ST6GALNAC5: variants seen among roughly 807,000 people sequenced by gnomAD.
ST6GALNAC5 encodes ST6 N-acetylgalactosaminide alpha-2,6-sialyltransferase 5, also known as alpha-N-acetylgalactosaminide alpha-2,6-sialyltransferase 5.
ST6GALNAC5 carries 27 observed loss-of-function variants against 33.6 expected under a neutral mutation model. The observed-to-expected ratio is 0.80, with a 90% CI of 0.59 to 1.11. The LOEUF (loss-of-function observed/expected upper bound fraction) is 1.11. Among genes scored for constraint, ST6GALNAC5 ranks in the 50% least tolerant of loss-of-function variants. The probability of loss-of-function intolerance (pLI) is 0.00; values close to 1 mark genes in which losing one functional copy is unlikely to be tolerated. For missense variants in ST6GALNAC5, 428 were observed against 454.0 expected (o/e 0.94, Z 0.52); for synonymous variants, 194 against 171.2 (o/e 1.13, Z -1.04).
chr1:76,868,473 C>T lies in ST6GALNAC5; in HGVS notation c.16-24C>T. 6.3e-7 allele frequency: 1 copy of T among 1,592,470 alleles called. No individual in the cohort carries two copies. Among genetic ancestry groups the T allele is most frequent in the Non-Finnish European group, 8.6e-7 (1 of 1,166,708 alleles). ...GGTGTCTGCGCTCAGCCGCTCTCCT[C>T]TTCTCTCTCCCGCCCGCCCGCAGCG... On this transcript the variant is annotated intron_variant, in intron 1 of 4. Transcript: ENST00000477717. This position sits in a 1 kb window ranked among gnomAD's most constrained non-coding sequence, Gnocchi z 4.3.
At chr1:76,946,421 G>A (rs533408694) in intron 2 of ST6GALNAC5, among the ~76,000 whole-genome samples, 56 of 152,244 alleles carry the variant, frequency 3.7e-4, no homozygotes, top group African/African-American at 9.6e-4. Context: ...AACTGGGGAG[G>A]TCTGATTCCC....
Position 76,868,603 on chromosome 1 carries a change from A to G in ST6GALNAC5, c.122A>G (p.Gln41Arg), listed in dbSNP as rs952663670. Residue 41 changes from glutamine to arginine, a missense_variant, in exon 2 of 5, where the codon CAG becomes CGG. Transcript: ENST00000477717. This position sits in a 1 kb window ranked among gnomAD's most constrained non-coding sequence, Gnocchi z 4.3. ...GQKERPPQQQ[Q>R]QQQQQQQQAS... ...AAGGAGCGGCCCCCGCAGCAGCAGCAGCAGCAGCAGCAACAGCAGCAGCAG... is the reference window on the plus strand; with the variant it reads ...AAGGAGCGGCCCCCGCAGCAGCAGCGGCAGCAGCAGCAACAGCAGCAGCAG... 13 of 1,610,594 alleles carry G rather than the reference A, an allele frequency of 8.1e-6. No individual in the cohort carries two copies. The highest frequency in any genetic ancestry group is 2.7e-5 in the African/African-American group (2 of 73,946).
chr1:76,880,526 C>G (rs1195240244), intron 2 of ST6GALNAC5, among the ~76,000 whole-genome samples: 1 of 152,152 alleles, frequency 6.6e-6, no homozygotes, highest in Non-Finnish European at 1.5e-5. Context: ...AGGCTGTCCA[C>G]AAGCTTGAGG....
intron 2 of ST6GALNAC5, among the ~76,000 whole-genome samples, chr1:76,977,685 T>C (rs1649068024): frequency 6.6e-6 from 1 of 152,226 alleles, no homozygotes; most frequent in South Asian, 2.1e-4. Context: ...TTGTAAACTA[T>C]TCCATTCTAT....
chr1:76,891,815 C>G (rs1400084862), intron 2 of ST6GALNAC5, among the ~76,000 whole-genome samples: 1 of 152,122 alleles, frequency 6.6e-6, no homozygotes, highest in Non-Finnish European at 1.5e-5. Context: ...GTTGTCCAAG[C>G]ATAATTTGTT....
intron 2 of ST6GALNAC5, among the ~76,000 whole-genome samples, chr1:76,959,136 TCTTA>T (rs543850045): frequency 3.7e-4 from 56 of 152,292 alleles, no homozygotes; most frequent in Non-Finnish European, 5.9e-4. Context: ...ATTCTCAGTC[TCTTA>T]CTTATGTTGT....
intron 2 of ST6GALNAC5, among the ~76,000 whole-genome samples, chr1:76,930,110 C>T (rs2100308440): frequency 6.6e-6 from 1 of 152,222 alleles, no homozygotes; most frequent in African/African-American, 2.4e-5. Flanking sequence ...AGACTGGAGG[C>T]ACATTGCTTC....
At chr1:77,028,427 A>G (rs912253838) in intron 2 of ST6GALNAC5, among the ~76,000 whole-genome samples, 8 of 152,004 alleles carry the variant, frequency 5.3e-5, no homozygotes, top group African/African-American at 1.9e-4. Flanking sequence ...ATCAAGCTGG[A>G]AGGAAACATC....
At chr1:76,952,832 C>T (rs1188904695) in intron 2 of ST6GALNAC5, among the ~76,000 whole-genome samples, 1 of 152,088 alleles carries the variant, frequency 6.6e-6, no homozygotes, top group African/African-American at 2.4e-5. Flanking sequence ...GAACACCCTC[C>T]CTGTGCTTCC....
Position 76,995,239 on chromosome 1 carries a change from A to C in ST6GALNAC5, c.262-48965A>C, listed in dbSNP as rs1227637980. Among the ~76,000 whole-genome samples, 3 of 152,160 alleles carry C rather than the reference A, an allele frequency of 2.0e-5. No individual in the cohort carries two copies. The East Asian group carries it at 5.8e-4, about 29-fold the overall frequency. On this transcript the variant is annotated intron_variant, in intron 2 of 4. Coordinates refer to ENST00000477717, the MANE Select transcript of ST6GALNAC5 (RefSeq NM_030965.3). ...ATAGCAAGACCTCATCTCTATAAAA[A>C]CTTTAAGAATTAGCTGGACACAGTG...
intron 4 of ST6GALNAC5, among the ~76,000 whole-genome samples, chr1:77,051,049 T>A (rs1043747492): frequency 6.6e-6 from 1 of 152,182 alleles, no homozygotes; most frequent in African/African-American, 2.4e-5. Flanking sequence ...GTACCCTAGT[T>A]TTTGGGAACG....
At chr1:76,923,011 A>G (rs1324618286) in intron 2 of ST6GALNAC5, among the ~76,000 whole-genome samples, 2 of 152,046 alleles carry the variant, frequency 1.3e-5, no homozygotes, top group Non-Finnish European at 2.9e-5. Context: ...CATCTTAAAT[A>G]ATGTTGGTGC....
intron 2 of ST6GALNAC5, among the ~76,000 whole-genome samples, chr1:76,988,150 C>A (rs1376953319): frequency 1.3e-5 from 2 of 152,018 alleles, no homozygotes; most frequent in Non-Finnish European, 2.9e-5. Flanking sequence ...TCTTCTGCTT[C>A]TTTGATTCTA....
intron 2 of ST6GALNAC5, among the ~76,000 whole-genome samples, chr1:77,027,966 T>C (rs1651309068): frequency 6.6e-6 from 1 of 152,212 alleles, no homozygotes; most frequent in South Asian, 2.1e-4. Flanking sequence ...AGTCTTATTT[T>C]TGAGATAAAC....
At chr1:77,013,053 G>A (rs1650698486) in intron 2 of ST6GALNAC5, among the ~76,000 whole-genome samples, 1 of 152,182 alleles carries the variant, frequency 6.6e-6, no homozygotes, top group Admixed American at 6.5e-5. Flanking sequence ...GATATGCAAA[G>A]ACCTCCCTGG....
chr1:77,059,469 A>G (rs1406048899), intron 4 of ST6GALNAC5, among the ~76,000 whole-genome samples: 1 of 152,176 alleles, frequency 6.6e-6, no homozygotes, highest in African/African-American at 2.4e-5. Context: ...GAGGTTATGC[A>G]TTACTGAGAA....
chr1:76,918,374 C>G (rs1456236903), intron 2 of ST6GALNAC5, among the ~76,000 whole-genome samples: 2 of 152,062 alleles, frequency 1.3e-5, no homozygotes, highest in Non-Finnish European at 2.9e-5. Context: ...AATCCCAACA[C>G]TTTGGGAGGC....
chr1:76,980,202 C>T (rs1284400555), intron 2 of ST6GALNAC5, among the ~76,000 whole-genome samples: 1 of 151,786 alleles, frequency 6.6e-6, no homozygotes, highest in Admixed American at 6.6e-5. Flanking sequence ...AGGTTTTGAC[C>T]TACATACTGT....
chr1:76,957,633 G>C (rs1263988844), intron 2 of ST6GALNAC5, among the ~76,000 whole-genome samples: 1 of 107,796 alleles, frequency 9.3e-6, no homozygotes, highest in Non-Finnish European at 1.7e-5. Context: ...CACACACACA[G>C]ATTTTGTTAA....
Sources: gnomAD v4.1 joint callset for allele counts (sites outside exome capture counted in the v4.1 genomes callset) on GRCh38, gnomAD v4.1.1 for gene constraint, Gnocchi (gnomAD v3.1) non-coding constraint, MANE v1.5 for transcripts, NCBI Gene and HGNC (gene_info 2026-07-23, HGNC 2026-07-21) for gene names.